The following CRHR2 variants were observed in gnomAD, a reference collection of about 807,000 sequenced individuals.
CRHR2 encodes the protein corticotropin-releasing hormone receptor 2.
Under a neutral mutation model 57.9 loss-of-function variants are expected in CRHR2, and 53 were observed. That is an observed-to-expected ratio of 0.92 (90% CI 0.73 to 1.15). The LOEUF (loss-of-function observed/expected upper bound fraction) is 1.15, where lower values mean the gene tolerates loss of function less well. Ranked by LOEUF, CRHR2 falls within the 50% of genes most tolerant of loss-of-function variation. The pLI is 0.00. For synonymous variants in CRHR2, 213 were observed against 220.9 expected, an observed-to-expected ratio of 0.96 and a Z score of 0.32; for missense variants, 532 against 542.6, an observed-to-expected ratio of 0.98 and a Z score of 0.19.
intron 2 of CRHR2, among the ~76,000 whole-genome samples, chr7:30,674,496 C>T (rs991811456): frequency 5.3e-5 from 8 of 152,352 alleles, no homozygotes; most frequent in South Asian, 4.1e-4. Context: ...TGCAGATGAA[C>T]TGAGGTCTGA....
At chr7:30,697,747 T>G (rs1269088640) in intron 1 of CRHR2, among the ~76,000 whole-genome samples, 1 of 152,168 alleles carries the variant, frequency 6.6e-6, no homozygotes, top group Non-Finnish European at 1.5e-5. Flanking sequence ...TTTTCAGGGT[T>G]GGGGCCCTGG....
chr7:30,679,277 C>T (rs1041709414), intron 2 of CRHR2, among the ~76,000 whole-genome samples: 50 of 152,226 alleles, frequency 3.3e-4, no homozygotes, highest in African/African-American at 1.1e-3. Flanking sequence ...AAACCGAATG[C>T]CTCTTGTGGA....
rs1325344332 is a variant in CRHR2, at chr7:30,655,260, G to A, written c.1054-180C>T. Among the ~76,000 whole-genome samples the A allele has an allele frequency of 3.9e-5, 6 of 152,186 alleles. 1 individual carries two copies. Among genetic ancestry groups the A allele is most frequent in the Non-Finnish European group, 8.8e-5 (6 of 68,024 alleles). The stretch of plus-strand genomic sequence containing the variant: ...AGATATTCCACGGTCCACTCTGAGT[G>A]AGCAGTGGTCACAGGCCTGGAGCCA... On this transcript the variant is annotated intron_variant, in intron 10 of 11. Coordinates refer to ENST00000471646, the MANE Select transcript of CRHR2 (RefSeq NM_001883.5).
At position 30,677,429 on chromosome 7, in the gene CRHR2, T is replaced by C. The variant is rs142225647; in HGVS notation, c.229+4486A>G. 3.9e-5 allele frequency among the ~76,000 whole-genome samples: 6 copies of C among 152,252 alleles called. No homozygotes were observed. In the East Asian group the frequency reaches 7.7e-4, roughly 20 times the overall value. ...ACTTCTGGCCAAACCACTTCCATGCTAATCCACTTCCTTTCGGCCTACAGA... is the reference window on the plus strand; with the variant it reads ...ACTTCTGGCCAAACCACTTCCATGCCAATCCACTTCCTTTCGGCCTACAGA... On this transcript the variant is annotated intron_variant, in intron 2 of 11. Coordinates refer to ENST00000471646, the MANE Select transcript of CRHR2 (RefSeq NM_001883.5).
At chr7:30,686,926 A>G (rs1784867567), upstream of CRHR2, among the ~76,000 whole-genome samples, 1 of 152,100 alleles carries the variant, frequency 6.6e-6, no homozygotes, top group South Asian at 2.1e-4. Context: ...TCTTTATTTT[A>G]TTTAGTCTTT....
At chr7:30,688,917 T>G in intron 2 of CRHR2, 1 of 572,038 alleles carries the variant, frequency 1.7e-6, no homozygotes, top group African/African-American at 1.8e-5. Context: ...CTTGGACTCC[T>G]GAATGCCAGC....
chr7:30,685,933 TC>T (rs999205706), upstream of CRHR2, among the ~76,000 whole-genome samples: 24 of 152,180 alleles, frequency 1.6e-4, no homozygotes, highest in Middle Eastern at 3.4e-3. Context: ...GCAAAGAAGG[TC>T]CTTCGTAATC....
At chr7:30,698,908 C>A (rs550325394) in intron 1 of CRHR2, among the ~76,000 whole-genome samples, 1 of 152,318 alleles carries the variant, frequency 6.6e-6, no homozygotes, top group South Asian at 2.1e-4. Flanking sequence ...AGTAACCTGT[C>A]CAAGGTCACA....
In CRHR2 at chr7:30,682,297, G is replaced by C. The variant is rs990729187; in HGVS notation, c.-17C>G. ...CGCGTCCATCGCGTCCCGCAGCCGC[G>C]TGCGGAGAGGGAGTGGGAGTGCGCG... On this transcript the variant is annotated 5_prime_UTR_variant, in exon 1 of 12. Transcript: ENST00000471646. 6 of 1,548,664 alleles carry C rather than the reference G, an allele frequency of 3.9e-6. No homozygotes were observed. The highest frequency in any genetic ancestry group is 1.4e-5 in the African/African-American group (1 of 70,964).
At chr7:30,681,196 C>T (rs1262737585) in intron 2 of CRHR2, among the ~76,000 whole-genome samples, 4 of 152,108 alleles carry the variant, frequency 2.6e-5, no homozygotes, top group Admixed American at 2.0e-4. Context: ...CAAGCCAGTC[C>T]ATGATTTGCC....
rs753020245 is a variant in CRHR2 at position 30,682,281 on chromosome 7, C to A, written c.-1G>T. 4.5e-6 allele frequency: 7 copies of A among 1,565,502 alleles called. No individual in the cohort carries two copies. The highest frequency in any genetic ancestry group is 6.0e-6 in the Non-Finnish European group (7 of 1,163,730). Reference sequence around the variant, plus strand: ...GGCTGTGGAGCAGTGCCGCGTCCATCGCGTCCCGCAGCCGCGTGCGGAGAG... The same window carrying A: ...GGCTGTGGAGCAGTGCCGCGTCCATAGCGTCCCGCAGCCGCGTGCGGAGAG... On this transcript the variant is annotated 5_prime_UTR_variant, in exon 1 of 12. Coordinates refer to ENST00000471646, the MANE Select transcript of CRHR2 (RefSeq NM_001883.5).
At chr7:30,669,442 A>T (rs888434425) in intron 2 of CRHR2, among the ~76,000 whole-genome samples, 1 of 151,948 alleles carries the variant, frequency 6.6e-6, no homozygotes, top group Non-Finnish European at 1.5e-5. Context: ...ATGATATCTC[A>T]TGGTGGCACT....
In CRHR2 at chr7:30,655,957, G is replaced by A. The variant is rs761989956; in HGVS notation, c.887C>T (p.Ala296Val). Residue 296 changes from alanine to valine, a missense_variant, in exon 9 of 12, where the codon GCG becomes GTG. Ala to Val is a moderately conservative substitution (Grantham distance 64). Coordinates refer to ENST00000471646, the MANE Select transcript of CRHR2 (RefSeq NM_001883.5). ...CTGGATTGTCTCGGATGTGGTGGAC[G>A]CGCGTAACTTTGTCATTAGGATCCT... ...IVRILMTKLR[A>V]STTSETIQYR... 3.8e-5 allele frequency: 62 copies of A among 1,613,948 alleles called. 1 individual carries two copies. Among genetic ancestry groups the A allele is most frequent in the South Asian group, 3.6e-4 (33 of 91,094 alleles).
At chr7:30,687,620 C>T (rs984795765) in intron 2 of CRHR2, among the ~76,000 whole-genome samples, 3 of 152,248 alleles carry the variant, frequency 2.0e-5, no homozygotes, top group South Asian at 2.1e-4. Context: ...TCATGTGGAT[C>T]CCTTTTGCAA....
chr7:30,688,205 G>T (rs987079901), intron 2 of CRHR2, among the ~76,000 whole-genome samples: 2 of 152,162 alleles, frequency 1.3e-5, no homozygotes, highest in South Asian at 2.1e-4. Flanking sequence ...TGAAGACATA[G>T]GGAGAAAGAT....
chr7:30,667,058 TA>T, intron 3 of CRHR2, among the ~76,000 whole-genome samples, 169 bp downstream of exon 3: 1 of 152,282 alleles, frequency 6.6e-6, no homozygotes, highest in Non-Finnish European at 1.5e-5. Context: ...TCTACTCCCC[TA>T]CAGTGTCACT....
rs1331263446 is a variant in CRHR2 at position 30,681,937 on chromosome 7, G to A, written c.207C>T (p.Asn69=). The stretch of plus-strand genomic sequence containing the variant: ...CACGGGTCGTGTTGTACTTGACGCC[G>A]TTGAAGTACTCGGGGCACGGCCTCT... ...LVERPCPEYF[N]GVKYNTTRNA... is the part of the protein sequence containing the mutation. The change falls in exon 2 of 12, where the codon AAC becomes AAT. Residue 69 remains asparagine, a synonymous_variant. Coordinates refer to ENST00000471646, the MANE Select transcript of CRHR2 (RefSeq NM_001883.5). The A allele has an allele frequency of 6.2e-7, 1 of 1,612,332 alleles. No homozygotes were observed. The highest frequency in any genetic ancestry group is 8.5e-7 in the Non-Finnish European group (1 of 1,179,526).
At chr7:30,664,544 TC>T (rs1784115383) in intron 5 of CRHR2, among the ~76,000 whole-genome samples, 2 of 152,120 alleles carry the variant, frequency 1.3e-5, no homozygotes, top group Admixed American at 1.3e-4. Context: ...GGCACCTGAA[TC>T]CACAAGATGA....
Position 30,678,541 on chromosome 7 carries a change from G to A in CRHR2, c.229+3374C>T, listed in dbSNP as rs182250892. On this transcript the variant is annotated intron_variant, in intron 2 of 11. Transcript: ENST00000471646. ...TGCATCTGGAAATAACTCTGGGTAAGATGGCTCAAGGCTCTGACCCAGCCT... is the reference window on the plus strand; with the variant it reads ...TGCATCTGGAAATAACTCTGGGTAAAATGGCTCAAGGCTCTGACCCAGCCT... 1.1e-3 allele frequency among the ~76,000 whole-genome samples: 175 copies of A among 152,290 alleles called. 1 individual carries two copies. The highest frequency in any genetic ancestry group is 2.0e-3 in the Non-Finnish European group (136 of 68,030).
Sources: gnomAD v4.1 joint callset for allele counts (sites outside exome capture counted in the v4.1 genomes callset) on GRCh38, gnomAD v4.1.1 for gene constraint, MANE v1.5 for transcripts, NCBI Gene and HGNC (gene_info 2026-07-23, HGNC 2026-07-21) for gene names.